The following MEAF6 variants were observed in gnomAD, a reference collection of about 807,000 sequenced individuals.
The protein encoded by MEAF6 is MYST/Esa1 associated factor 6.
Under a neutral mutation model 28.9 loss-of-function variants are expected in MEAF6, and 15 were observed. The observed-to-expected ratio is 0.52, with a 90% CI of 0.35 to 0.80. MEAF6 has a LOEUF of 0.80. MEAF6 is among the 30% of genes least tolerant of loss of function. The probability of loss-of-function intolerance (pLI) is 0.01; values close to 1 mark genes in which losing one functional copy is unlikely to be tolerated. For synonymous variants in MEAF6, 97 were observed against 88.7 expected (o/e 1.09, Z -0.53); for missense variants, 178 against 237.5 (o/e 0.75, Z 1.65).
chr1:37,514,557 C>T, intron 1 of MEAF6, 100 bp downstream of exon 1: 1 of 885,622 alleles, frequency 1.1e-6, no homozygotes, highest in Non-Finnish European at 1.5e-6. Flanking sequence ...CCGCGCCGCG[C>T]CCCCGGAGTA....
chr1:37,498,679 C>T (rs1642198997), intron 5 of MEAF6, among the ~76,000 whole-genome samples: 1 of 151,860 alleles, frequency 6.6e-6, no homozygotes, highest in African/African-American at 2.4e-5. Flanking sequence ...GATCCCTCCA[C>T]CTCAGCCTCC....
chr1:37,513,626 G>A (rs770771677), intron 1 of MEAF6, 88 bp from the exon 2 acceptor site: 71 of 1,065,454 alleles, frequency 6.7e-5, no homozygotes, highest in Non-Finnish European at 9.5e-5. Flanking sequence ...TATTAGACTC[G>A]TAAACGCAAG....
At chr1:37,503,125 T>C (rs1249837534) in intron 4 of MEAF6, among the ~76,000 whole-genome samples, 1 of 151,886 alleles carries the variant, frequency 6.6e-6, no homozygotes, top group African/African-American at 2.4e-5. Context: ...TTTTTAAAGA[T>C]GGGGTCTTAC....
rs1362472308 is a variant in MEAF6 at position 37,492,880 on chromosome 1, T to C, written c.*1219A>G. 2 of 152,206 alleles carry C rather than the reference T, an allele frequency of 1.3e-5. No individual in the cohort carries two copies. The highest frequency in any genetic ancestry group is 2.9e-5 in the Non-Finnish European group (2 of 68,038). 9.4% of individuals were successfully genotyped at this position (152,206 alleles called of 1,614,324 possible). A position where few individuals can be genotyped will look rare whatever the true frequency, so the allele number is the denominator to read the frequency against. ...CTTCTTATCAGAATCCCAGGAACTC[T>C]TTTAAAGAAATTCCCAATAACTAGG... On this transcript the variant is annotated 3_prime_UTR_variant, in exon 7 of 7. Transcript: ENST00000296214.
chr1:37,503,790 C>T (rs998087548), intron 4 of MEAF6, among the ~76,000 whole-genome samples: 26 of 151,918 alleles, frequency 1.7e-4, no homozygotes, highest in African/African-American at 5.6e-4. Flanking sequence ...ACGGCAAAAC[C>T]TCATCTCTAC....
chr1:37,513,487 G>C lies in MEAF6; in HGVS notation c.142C>G (p.Leu48Val). 2 of 1,614,178 alleles carry C rather than the reference G, an allele frequency of 1.2e-6. No individual in the cohort carries two copies. Among genetic ancestry groups the C allele is most frequent in the Non-Finnish European group, 1.7e-6 (2 of 1,180,032 alleles). ...TTGCCATACATCTGAGTGTCTTCCA[G>C]GTAGCTTCCCTCAAAAGCATAGATC... ...RQIYAFEGSY[L>V]EDTQMYGNII... The change falls in exon 2 of 7, where the codon CTG becomes GTG. Residue 48 changes from leucine (L) to valine (V), a missense_variant. Around this residue, in one of 2 missense-constraint regions of MEAF6, gnomAD observed 124 missense variants for 200.5 expected, o/e 0.62. Coordinates refer to ENST00000296214, the MANE Select transcript of MEAF6 (RefSeq NM_001270875.3).
intron 4 of MEAF6, among the ~76,000 whole-genome samples, chr1:37,502,351 C>T (rs1642336552): frequency 6.6e-6 from 1 of 152,096 alleles, no homozygotes; most frequent in Non-Finnish European, 1.5e-5. Flanking sequence ...ACTGGGATCA[C>T]AGGCATGAGA....
rs1287302413 is a variant in MEAF6 at position 37,493,061 on chromosome 1, A to G, written c.*1038T>C. ...TTCCTCAGCCCCAACAAGCCCTCCA[A>G]GAAAGGGAGACCTGGTGGGCAACAC... On this transcript the variant is annotated 3_prime_UTR_variant, in exon 7 of 7. Coordinates refer to ENST00000296214, the MANE Select transcript of MEAF6 (RefSeq NM_001270875.3). 6.6e-6 allele frequency: 1 copy of G among 152,222 alleles called. No individual in the cohort carries two copies. The highest frequency in any genetic ancestry group is 2.4e-5 in the African/African-American group (1 of 41,454). 9.4% of individuals were successfully genotyped at this position (152,222 alleles called of 1,614,324 possible).
rs530349448 is a variant in MEAF6, at chr1:37,496,627, T to C, written c.534-709A>G. 9.7e-6 allele frequency: 15 copies of C among 1,547,686 alleles called. No homozygotes were observed. In the South Asian group the frequency reaches 1.7e-4, roughly 18 times the overall value. Reference sequence around the variant, plus strand: ...TACCTACAATTAAACAGATAAACTATGGGTTAGAAAGGTCTCAAAAAGGCA... The same window carrying C: ...TACCTACAATTAAACAGATAAACTACGGGTTAGAAAGGTCTCAAAAAGGCA... On this transcript the variant is annotated intron_variant, in intron 5 of 6. Transcript: ENST00000296214.
At position 37,501,940 on chromosome 1, in the gene MEAF6, T is replaced by A. The variant is rs1642319472; in HGVS notation, c.397A>T (p.Asn133Tyr). 1.2e-6 allele frequency: 2 copies of A among 1,611,110 alleles called. No homozygotes were observed. The highest frequency in any genetic ancestry group is 1.7e-6 in the Non-Finnish European group (2 of 1,177,628). The stretch of plus-strand genomic sequence containing the variant: ...TCAGGGTCCTCCTGGCTGGGCTCAT[T>A]TTCCTGATTGTGGAAGTCTGGAGAA... ...DTSPDFHNQENEPSQEDPEDL... is the reference protein window; with the variant it reads ...DTSPDFHNQEYEPSQEDPEDL... The change falls in exon 5 of 7, where the codon AAT (asparagine) becomes TAT (tyrosine). Residue 133 changes from asparagine to tyrosine, a missense_variant. Asn to Tyr is a moderately radical substitution (Grantham distance 143, BLOSUM62 -2). This residue lies in a region of MEAF6 where 124 missense variants were observed against 200.5 expected (regional missense o/e 0.62). Coordinates refer to ENST00000296214, the MANE Select transcript of MEAF6 (RefSeq NM_001270875.3).
At chr1:37,511,564 C>G (rs1642671964) in intron 2 of MEAF6, among the ~76,000 whole-genome samples, 1 of 152,144 alleles carries the variant, frequency 6.6e-6, no homozygotes, top group East Asian at 1.9e-4. Context: ...GCAGATAAAT[C>G]ATATGATCAA....
intron 4 of MEAF6, among the ~76,000 whole-genome samples, chr1:37,507,550 C>T (rs1285772824): frequency 6.6e-6 from 1 of 151,540 alleles, no homozygotes; most frequent in East Asian, 1.9e-4. Context: ...GAGTCAAAGA[C>T]GTCTACAGAG....
At chr1:37,513,625 C>A in intron 1 of MEAF6, 87 bp from the exon 2 acceptor site, 3 of 1,084,978 alleles carry the variant, frequency 2.8e-6, no homozygotes, top group Admixed American at 3.4e-5. Flanking sequence ...ATATTAGACT[C>A]GTAAACGCAA....
At chr1:37,497,848 C>T (rs866293816) in intron 5 of MEAF6, among the ~76,000 whole-genome samples, 57 of 152,004 alleles carry the variant, frequency 3.7e-4, no homozygotes, top group African/African-American at 1.3e-3. Context: ...TGCCTCGGCC[C>T]CCTAAAGTGC....
At chr1:37,495,333 A>AAAAAAAAT (rs371918855) in intron 6 of MEAF6, among the ~76,000 whole-genome samples, 1 of 138,458 alleles carries the variant, frequency 7.2e-6, no homozygotes, top group Admixed American at 7.5e-5. Flanking sequence ...TCCGTCTCAA[A>AAAAAAAAT]AAATAAATAA....
chr1:37,493,438 TAA>T lies in MEAF6; in HGVS notation c.*659_*660del. ...AATCTACTACCAACTCAGAAAGATTTAAGATAGGTAATTACTAAACACTCTTT... is the reference window on the plus strand; with the variant it reads ...AATCTACTACCAACTCAGAAAGATTTGATAGGTAATTACTAAACACTCTTT... On this transcript the variant is annotated 3_prime_UTR_variant, in exon 7 of 7. Coordinates refer to ENST00000296214, the MANE Select transcript of MEAF6 (RefSeq NM_001270875.3). 1 of 301,408 alleles carries T rather than the reference TAA, an allele frequency of 3.3e-6. No individual in the cohort carries two copies. The highest frequency in any genetic ancestry group is 6.1e-6 in the Non-Finnish European group (1 of 165,128). 18.7% of individuals were successfully genotyped at this position (301,408 alleles called of 1,614,324 possible). A position where few individuals can be genotyped will look rare whatever the true frequency, so the allele number is the denominator to read the frequency against.
chr1:37,495,685 AAAAAAAAAAAACAAAAAAC>A (rs1271051368), intron 6 of MEAF6, among the ~76,000 whole-genome samples, 181 bp downstream of exon 6: 2 of 37,382 alleles, frequency 5.4e-5, no homozygotes, highest in African/African-American at 1.1e-4. Context: ...ACTGTCTCTC[AAAAAAAAAAAACAAAAAAC>A]AAAAAAAAAA....
chr1:37,508,368 TC>T (rs1316249500), intron 4 of MEAF6, among the ~76,000 whole-genome samples: 1 of 149,132 alleles, frequency 6.7e-6, no homozygotes, highest in Non-Finnish European at 1.5e-5. Flanking sequence ...AGCCTCAACT[TC>T]CTGGGCTAAA....
intron 6 of MEAF6, 95 bp from the exon 7 acceptor site, chr1:37,494,202 G>A (rs996969263): frequency 3.9e-6 from 4 of 1,015,046 alleles, no homozygotes; most frequent in Non-Finnish European, 4.6e-6. Flanking sequence ...ACTCTACTAG[G>A]GGACTGCTCT....
Sources: allele counts gnomAD v4.1 joint callset (sites outside exome capture counted in the v4.1 genomes callset), GRCh38; gene constraint gnomAD v4.1.1; regional missense constraint gnomAD v4.1.1; transcripts MANE v1.5; gene names NCBI Gene and HGNC (gene_info 2026-07-23, HGNC 2026-07-21).